KIAA1755: variants seen among roughly 807,000 people sequenced by gnomAD.
The protein encoded by KIAA1755 is KIAA1755.
KIAA1755 carries 68 observed loss-of-function variants against 91.7 expected under a neutral mutation model. The observed-to-expected ratio is 0.74, with a 90% CI of 0.61 to 0.91. KIAA1755 has a LOEUF of 0.91. Among genes scored for constraint, KIAA1755 ranks in the 40% least tolerant of loss-of-function variants. The pLI is 0.00. For missense variants in KIAA1755, 1,535 were observed against 1,494.4 expected (o/e 1.03, Z -0.45); for synonymous variants, 610 against 604.6 (o/e 1.01, Z -0.13).
chr20:38,225,472 G>A, intron 8 of KIAA1755, 193 bp downstream of exon 8: 1 of 586,138 alleles, frequency 1.7e-6, no homozygotes, highest in Admixed American at 3.2e-5. Context: ...AGCAGAGCTG[G>A]GATTGCAATG....
At chr20:38,258,760 G>C (rs2076383539) in intron 1 of KIAA1755, among the ~76,000 whole-genome samples, 1 of 152,190 alleles carries the variant, frequency 6.6e-6, no homozygotes, top group Non-Finnish European at 1.5e-5. Context: ...ACAGAAGTGA[G>C]GCCAGGGAGG....
At position 38,246,824 on chromosome 20, in the gene KIAA1755, C is replaced by T. The variant is rs190047800; in HGVS notation, c.4-698G>A. Among the ~76,000 whole-genome samples, 9 of 152,312 alleles carry T rather than the reference C, an allele frequency of 5.9e-5. No individual in the cohort carries two copies. In the East Asian group the frequency reaches 1.5e-3, roughly 26 times the overall value. On this transcript the variant is annotated intron_variant, in intron 1 of 13. Coordinates refer to ENST00000279024, the MANE Select transcript of KIAA1755 (RefSeq NM_001029864.2). ...TCCCCCAGTCCTACCTCGGTGATGA[C>T]CCCACCGCCCAGTCAGGCTCCTAGG...
At chr20:38,226,642 G>C (rs893067685) in intron 7 of KIAA1755, among the ~76,000 whole-genome samples, 4 of 152,164 alleles carry the variant, frequency 2.6e-5, no homozygotes, top group African/African-American at 9.7e-5. Context: ...TGTGGTGTAT[G>C]GCACTAATTA....
intron 1 of KIAA1755, among the ~76,000 whole-genome samples, chr20:38,257,389 T>C (rs544603093): frequency 6.4e-4 from 98 of 152,190 alleles, no homozygotes; most frequent in African/African-American, 2.2e-3. Context: ...GAGACCAGAC[T>C]GGCCAACATG....
intron 10 of KIAA1755, among the ~76,000 whole-genome samples, chr20:38,220,977 C>G (rs1455522362): frequency 6.6e-6 from 1 of 152,232 alleles, no homozygotes; most frequent in Non-Finnish European, 1.5e-5. Flanking sequence ...AGGGAGGAAT[C>G]TCCAACCCTG....
chr20:38,259,443 G>A (rs1027344243), intron 1 of KIAA1755, among the ~76,000 whole-genome samples: 2 of 149,472 alleles, frequency 1.3e-5, no homozygotes, highest in African/African-American at 4.9e-5. Context: ...TGTGCTCTGT[G>A]CGTGCATGTG....
intron 10 of KIAA1755, among the ~76,000 whole-genome samples, chr20:38,221,314 C>T (rs1031689551): frequency 1.3e-5 from 2 of 152,076 alleles, no homozygotes; most frequent in African/African-American, 4.8e-5. Context: ...TGCGGGGCCT[C>T]GGATGGACAG....
chr20:38,220,928 A>C (rs1187246010), intron 10 of KIAA1755, among the ~76,000 whole-genome samples: 1 of 152,194 alleles, frequency 6.6e-6, no homozygotes, highest in Non-Finnish European at 1.5e-5. Context: ...CTAAGGAAGA[A>C]GTGTGGATGG....
intron 11 of KIAA1755, among the ~76,000 whole-genome samples, chr20:38,219,073 G>C (rs529226339): frequency 6.6e-6 from 1 of 152,284 alleles, no homozygotes; most frequent in African/African-American, 2.4e-5. Context: ...GCACTGAAGA[G>C]TTAAACATCT....
Position 38,213,423 on chromosome 20 carries a change from T to C in KIAA1755, c.3222A>G (p.Ala1074=), listed in dbSNP as rs779610465. ...CTACACTCACACCCTGGCCCTTGGCTGCCACCCCTCTTCGTTCTGGGCGCG... is the reference window on the plus strand; with the variant it reads ...CTACACTCACACCCTGGCCCTTGGCCGCCACCCCTCTTCGTTCTGGGCGCG... ...HSARPERRGV[A]AKGQGVSVEV... is the part of the protein sequence containing the mutation. Residue 1074 remains alanine (A), a synonymous_variant, in exon 14 of 14, where the codon GCA becomes GCG. Transcript: ENST00000279024. 6.2e-7 allele frequency: 1 copy of C among 1,600,764 alleles called. No individual in the cohort carries two copies. Among genetic ancestry groups the C allele is most frequent in the Non-Finnish European group, 8.5e-7 (1 of 1,173,326 alleles).
chr20:38,219,776 G>C lies in KIAA1755; in HGVS notation c.2418-8C>G, dbSNP rs957298843. On this transcript the variant is annotated splice_polypyrimidine_tract_variant and splice_region_variant and intron_variant, in intron 10 of 13. Transcript: ENST00000279024. ...GCTGCAGCCAGATGGCTCCTGGGAGGTGGGCGGAGGTGAGAAAAGGCCTCT... is the reference window on the plus strand; with the variant it reads ...GCTGCAGCCAGATGGCTCCTGGGAGCTGGGCGGAGGTGAGAAAAGGCCTCT... The C allele has an allele frequency of 6.2e-7, 1 of 1,613,892 alleles. No homozygotes were observed. The highest frequency in any genetic ancestry group is 8.5e-7 in the Non-Finnish European group (1 of 1,179,982).
intron 12 of KIAA1755, 104 bp downstream of exon 12, chr20:38,218,140 T>G (rs956965825): frequency 6.7e-7 from 1 of 1,490,664 alleles, no homozygotes; most frequent in Admixed American, 1.8e-5. Context: ...CTCTGGAACT[T>G]TTCTTGCTCT....
chr20:38,227,080 C>T (rs112571221), intron 7 of KIAA1755, 74 bp downstream of exon 7: 5 of 1,098,660 alleles, frequency 4.6e-6, no homozygotes, highest in African/African-American at 1.6e-5. Context: ...CTGCAGTTCT[C>T]CCTCTCCTTA....
At chr20:38,248,087 G>A (rs181283872) in intron 1 of KIAA1755, among the ~76,000 whole-genome samples, 373 of 152,280 alleles carry the variant, frequency 2.4e-3, no homozygotes, top group African/African-American at 8.5e-3. Flanking sequence ...AAAGTAGCCC[G>A]GTGTGGTGAT....
intron 2 of KIAA1755, among the ~76,000 whole-genome samples, chr20:38,245,479 C>G (rs755807922): frequency 2.6e-5 from 4 of 152,200 alleles, no homozygotes; most frequent in Admixed American, 6.5e-5. Context: ...TTGGCAGAGG[C>G]CTCCCTGAGA....
At position 38,213,453 on chromosome 20, in the gene KIAA1755, G is replaced by A; in HGVS notation, c.3192C>T (p.His1064=). ...HSSCPEAPAA[H]SARPERRGVA... ...CCCCTCTTCGTTCTGGGCGCGCTGAGTGAGCAGCTGGAGCCTCTGGGCAAG... is the reference window on the plus strand; with the variant it reads ...CCCCTCTTCGTTCTGGGCGCGCTGAATGAGCAGCTGGAGCCTCTGGGCAAG... The change falls in exon 14 of 14, where the codon CAC becomes CAT. Residue 1064 remains histidine (H), a synonymous_variant. Transcript: ENST00000279024. The A allele has an allele frequency of 6.2e-7, 1 of 1,604,244 alleles. No homozygotes were observed. Among genetic ancestry groups the A allele is most frequent in the Non-Finnish European group, 8.5e-7 (1 of 1,175,438 alleles).
chr20:38,259,454 TATGTGTGTGTGCATGTGTAC>T lies in KIAA1755; in HGVS notation c.3+1024_3+1043del, dbSNP rs1012909826. ...CAGGTGTGCTCTGTGCGTGCATGTG[TATGTGTGTGTGCATGTGTAC>T]GTGTGTGTGCATGTGTACGTGTGTG... On this transcript the variant is annotated intron_variant, in intron 1 of 13. Transcript: ENST00000279024. Among the ~76,000 whole-genome samples, 15 of 122,078 alleles carry T rather than the reference TATGTGTGTGTGCATGTGTAC, an allele frequency of 1.2e-4. No individual in the cohort carries two copies. In the South Asian group the frequency reaches 2.6e-3, roughly 21 times the overall value. 80.1% of individuals were successfully genotyped at this position (122,078 alleles called of 152,430 possible).
Position 38,217,426 on chromosome 20 carries a change from C to T in KIAA1755, c.2728G>A (p.Gly910Arg). ...TCCCCAGCCCCTCTGGCTGTAGCTC[C>T]CAGCTGAGCGGCCTGCTTGGACAGC... ...LELSKQAAQL[G>R]ATARGAGEAE... Residue 910 changes from glycine (G) to arginine (R), a missense_variant, in exon 13 of 14, where the codon GGA becomes AGA. By Grantham distance (125) the Gly-to-Arg change is moderately radical (BLOSUM62 -2). Transcript: ENST00000279024. 3 of 1,612,908 alleles carry T rather than the reference C, an allele frequency of 1.9e-6. No individual in the cohort carries two copies. The highest frequency in any genetic ancestry group is 1.7e-6 in the Non-Finnish European group (2 of 1,179,618).
chr20:38,231,071 T>C, intron 5 of KIAA1755, 131 bp downstream of exon 5: 6 of 1,006,208 alleles, frequency 6.0e-6, no homozygotes, highest in Non-Finnish European at 7.1e-6. Flanking sequence ...GGCATCTGTC[T>C]GGGGACTGGC....
Sources: allele counts gnomAD v4.1 joint callset (sites outside exome capture counted in the v4.1 genomes callset), GRCh38; gene constraint gnomAD v4.1.1; transcripts MANE v1.5; gene names NCBI Gene and HGNC (gene_info 2026-07-23, HGNC 2026-07-21).